PPP1R12C: variants seen among roughly 807,000 people sequenced by gnomAD.
The protein encoded by PPP1R12C is protein phosphatase 1 regulatory subunit 12C.
PPP1R12C carries 48 observed loss-of-function variants against 95.6 expected under a neutral mutation model. The ratio of observed to expected loss-of-function variants is 0.50; its 90% CI spans 0.40 to 0.64. The LOEUF is 0.64. Ranked by LOEUF, PPP1R12C falls within the 30% of genes least tolerant of loss-of-function variation. PPP1R12C has a pLI of 0.00. For synonymous variants in PPP1R12C, 480 were observed against 460.8 expected, an observed-to-expected ratio of 1.04 and a Z score of -0.53; for missense variants, 1,057 against 1,083.3, an observed-to-expected ratio of 0.98 and a Z score of 0.34.
At chr19:55,113,249 A>G (rs951370559) in intron 1 of PPP1R12C, 5 of 602,826 alleles carry the variant, frequency 8.3e-6, no homozygotes, top group Middle Eastern at 4.6e-4. Context: ...TCCAAGGGTC[A>G]AGCTCGGAAA....
At chr19:55,099,430 G>C (rs1406752539) in intron 4 of PPP1R12C, among the ~76,000 whole-genome samples, 1 of 152,180 alleles carries the variant, frequency 6.6e-6, no homozygotes, top group Non-Finnish European at 1.5e-5. Context: ...GGATGCAAGT[G>C]CAGGACCCTT....
intron 4 of PPP1R12C, among the ~76,000 whole-genome samples, chr19:55,101,839 C>T (rs1248156149): frequency 6.6e-6 from 1 of 152,120 alleles, no homozygotes; most frequent in East Asian, 1.9e-4. Flanking sequence ...GCAGAAGGGA[C>T]AGCGGTCTGG....
Position 55,117,584 on chromosome 19 carries a change from CCCAACCGCCGCCA to C in PPP1R12C, c.-54_-42del. 8 of 983,694 alleles carry C rather than the reference CCCAACCGCCGCCA, an allele frequency of 8.1e-6. No homozygotes were observed. The highest frequency in any genetic ancestry group is 9.1e-5 in the South Asian group (2 of 21,934). The allele number at this position is 983,694 out of a possible 1,614,324, so 60.9% of individuals were successfully genotyped here. ...CCCAGCGAGCGAGCGAGCGCCGAGC[CCCAACCGCCGCCA>C]CCACCCGCCCGCCCGCCCGCCCCGG... On this transcript the variant is annotated 5_prime_UTR_variant, in exon 1 of 22. Coordinates refer to ENST00000263433, the MANE Select transcript of PPP1R12C (RefSeq NM_017607.4).
At chr19:55,103,145 G>A (rs1352951821) in intron 4 of PPP1R12C, among the ~76,000 whole-genome samples, 2 of 152,140 alleles carry the variant, frequency 1.3e-5, no homozygotes, top group Admixed American at 6.5e-5. Flanking sequence ...AGTGAGCCAC[G>A]ACTGTGCCAC....
intron 6 of PPP1R12C, among the ~76,000 whole-genome samples, chr19:55,098,503 G>C (rs1602984184): frequency 6.6e-6 from 1 of 152,240 alleles, no homozygotes; most frequent in African/African-American, 2.4e-5. Flanking sequence ...AGGTGATGAG[G>C]TGTGCTAAGC....
intron 3 of PPP1R12C, among the ~76,000 whole-genome samples, chr19:55,108,031 G>T (rs915706368): frequency 1.3e-5 from 2 of 150,488 alleles, no homozygotes; most frequent in Non-Finnish European, 2.9e-5. Context: ...CATCTCCTGG[G>T]TTCAAGCAAT....
Position 55,117,267 on chromosome 19 carries a change from C to T in PPP1R12C, c.277G>A (p.Val93Met). Residue 93 changes from valine (V) to methionine (M), a missense_variant, in exon 1 of 22, where the codon GTG becomes ATG. Physicochemically the swap from Val to Met is conservative, Grantham distance 21. Coordinates refer to ENST00000263433, the MANE Select transcript of PPP1R12C (RefSeq NM_017607.4). ...CCGTCGGCGTTGGTGGAGTCCAGCA[C>T]GGCGCGGGCGGGCGGCGGCGCGGCG... ...DPAAPPPARA[V>M]LDSTNADGIS... 1 of 1,225,606 alleles carries T rather than the reference C, an allele frequency of 8.2e-7. No individual in the cohort carries two copies. The highest frequency in any genetic ancestry group is 1.0e-6 in the Non-Finnish European group (1 of 985,224). 75.9% of individuals were successfully genotyped at this position (1,225,606 alleles called of 1,614,324 possible). A position where few individuals can be genotyped will look rare whatever the true frequency, so the allele number is the denominator to read the frequency against.
At chr19:55,114,891 A>G (rs1245257747) in intron 1 of PPP1R12C, 16 of 145,422 alleles carry the variant, frequency 1.1e-4, no homozygotes, top group African/African-American at 4.0e-4. Flanking sequence ...AGGGGGATGC[A>G]GGGGAACGGG....
chr19:55,095,233 A>C, intron 11 of PPP1R12C, 58 bp downstream of exon 11: 8 of 1,489,742 alleles, frequency 5.4e-6, no homozygotes, highest in Non-Finnish European at 7.3e-6. Flanking sequence ...TCACACGGAC[A>C]GGCTTGGAAC....
At chr19:55,101,090 A>T (rs1480380048) in intron 4 of PPP1R12C, among the ~76,000 whole-genome samples, 1 of 152,028 alleles carries the variant, frequency 6.6e-6, no homozygotes, top group East Asian at 2.0e-4. Context: ...TCTACTACAA[A>T]CACAAAAATT....
intron 11 of PPP1R12C, 37 bp from the exon 12 acceptor site, chr19:55,094,835 G>C: frequency 6.4e-7 from 1 of 1,557,302 alleles, no homozygotes; most frequent in Non-Finnish European, 8.7e-7. Context: ...CATTACCCAG[G>C]TGCATTGTGT....
At chr19:55,112,964 C>T in intron 1 of PPP1R12C, 169 bp from the exon 2 acceptor site, 1 of 955,968 alleles carries the variant, frequency 1.0e-6, no homozygotes, top group Non-Finnish European at 1.5e-6. Context: ...CGCCTGGTTG[C>T]CCAGTGGTCA....
intron 6 of PPP1R12C, among the ~76,000 whole-genome samples, chr19:55,098,558 G>T (rs1023231670): frequency 6.6e-6 from 1 of 152,208 alleles, no homozygotes; most frequent in Non-Finnish European, 1.5e-5. Flanking sequence ...TCCTTCTGCC[G>T]CCCCCACCAC....
intron 11 of PPP1R12C, chr19:55,095,045 G>A (rs541636921): frequency 2.2e-5 from 15 of 676,072 alleles, no homozygotes; most frequent in South Asian, 7.4e-5. Flanking sequence ...GTGTGCGGAC[G>A]GCGCCGTGGT....
At position 55,092,810 on chromosome 19, in the gene PPP1R12C, G is replaced by C; in HGVS notation, c.1884C>G (p.Val628=). 1 of 1,562,176 alleles carries C rather than the reference G, an allele frequency of 6.4e-7. No individual in the cohort carries two copies. Among genetic ancestry groups the C allele is most frequent in the Non-Finnish European group, 8.7e-7 (1 of 1,153,524 alleles). The change falls in exon 16 of 22, where the codon GTC becomes GTG. Residue 628 remains valine, a synonymous_variant. Transcript: ENST00000263433. ...CCGCAGGCCCCCTCCACTCCTTTCC[G>C]ACCTTGCGGTGCTCCCTGGCCGCCT... ...GPQAAREHRK[V]GKEWRGPAEG... is the part of the protein sequence containing the mutation.
intron 3 of PPP1R12C, among the ~76,000 whole-genome samples, chr19:55,104,817 G>A (rs1467267891): frequency 1.3e-5 from 2 of 151,670 alleles, no homozygotes; most frequent in Non-Finnish European, 2.9e-5. Context: ...TGTCACCCAG[G>A]CTGGAGTGCA....
At chr19:55,110,834 G>A (rs2085087443) in intron 3 of PPP1R12C, among the ~76,000 whole-genome samples, 1 of 149,658 alleles carries the variant, frequency 6.7e-6, no homozygotes, top group African/African-American at 2.5e-5. Flanking sequence ...TCATGCCATT[G>A]CACTCCAGCC....
chr19:55,107,816 C>G (rs2085054915), intron 3 of PPP1R12C, among the ~76,000 whole-genome samples: 1 of 150,512 alleles, frequency 6.6e-6, no homozygotes, highest in Non-Finnish European at 1.5e-5. Context: ...ATGTTGTACA[C>G]ATGTACCATA....
chr19:55,108,391 G>A (rs1384165705), intron 3 of PPP1R12C, among the ~76,000 whole-genome samples: 2 of 152,156 alleles, frequency 1.3e-5, no homozygotes, highest in South Asian at 4.2e-4. Context: ...CACTTTAGGA[G>A]GCCAAGGTGG....
Sources: allele counts gnomAD v4.1 joint callset (sites outside exome capture counted in the v4.1 genomes callset), GRCh38; gene constraint gnomAD v4.1.1; transcripts MANE v1.5; gene names NCBI Gene and HGNC (gene_info 2026-07-23, HGNC 2026-07-21).